RBFOX1: variants seen among roughly 807,000 people sequenced by gnomAD.
RBFOX1 encodes RNA binding protein fox-1 homolog 1.
RBFOX1 carries 8 observed loss-of-function variants against 57.7 expected under a neutral mutation model. That is an observed-to-expected ratio of 0.14 (90% CI 0.08 to 0.25). RBFOX1 has a LOEUF of 0.25. RBFOX1 is among the 10% of genes least tolerant of loss of function. RBFOX1 has a pLI of 1.00. For synonymous variants in RBFOX1, 326 were observed against 222.4 expected (o/e 1.47, Z -4.15); for missense variants, 611 against 548.5 (o/e 1.11, Z -1.14).
At chr16:5,386,958 G>C (rs1596784945) in intron 1 of RBFOX1, among the ~76,000 whole-genome samples, 1 of 152,224 alleles carries the variant, frequency 6.6e-6, no homozygotes, top group Admixed American at 6.5e-5. Flanking sequence ...GGCTGAGGCA[G>C]TAGAATCTCT....
chr16:7,142,060 G>A (rs2073935848), intron 4 of RBFOX1, among the ~76,000 whole-genome samples: 1 of 151,724 alleles, frequency 6.6e-6, no homozygotes, highest in African/African-American at 2.4e-5. Context: ...GTCTCACTCT[G>A]TTGCCCAGGC....
chr16:5,848,907 C>A (rs1416784649), intron 3 of RBFOX1, among the ~76,000 whole-genome samples: 1 of 151,982 alleles, frequency 6.6e-6, no homozygotes, highest in Admixed American at 6.6e-5. Flanking sequence ...CGAGATCATG[C>A]CACTGCACTT....
At chr16:7,515,570 C>T (rs1038164510) in intron 4 of RBFOX1, among the ~76,000 whole-genome samples, 1 of 152,036 alleles carries the variant, frequency 6.6e-6, no homozygotes, top group Non-Finnish European at 1.5e-5. Flanking sequence ...ACAATGTATA[C>T]ATATGTCAAA....
At chr16:5,266,429 T>C (rs2062859798) in intron 1 of RBFOX1, among the ~76,000 whole-genome samples, 1 of 151,822 alleles carries the variant, frequency 6.6e-6, no homozygotes, top group African/African-American at 2.4e-5. Context: ...TCAGGTGAAA[T>C]AGGTGGAGGT....
intron 2 of RBFOX1, among the ~76,000 whole-genome samples, chr16:5,515,039 C>T (rs573540103): frequency 8.6e-5 from 13 of 151,834 alleles, no homozygotes; most frequent in Non-Finnish European, 1.0e-4. Flanking sequence ...AGCAAGGTCC[C>T]AGACTCTTTA....
chr16:6,590,024 G>C (rs575078630), intron 2 of RBFOX1, among the ~76,000 whole-genome samples: 1 of 152,136 alleles, frequency 6.6e-6, no homozygotes, highest in Non-Finnish European at 1.5e-5. Context: ...CTTAGTCTTG[G>C]TTGGGGATCT....
chr16:6,600,221 G>T (rs2097834674), intron 2 of RBFOX1, among the ~76,000 whole-genome samples: 1 of 152,038 alleles, frequency 6.6e-6, no homozygotes, highest in Admixed American at 6.6e-5. Context: ...TAATGGTGGT[G>T]CTGATGAACA....
chr16:7,253,861 G>A (rs577624474), intron 4 of RBFOX1, among the ~76,000 whole-genome samples: 2 of 152,210 alleles, frequency 1.3e-5, no homozygotes, highest in South Asian at 4.2e-4. Context: ...CTTGAGAAAT[G>A]CATATTGGAG....
intron 3 of RBFOX1, among the ~76,000 whole-genome samples, chr16:6,979,472 C>T (rs2088059724): frequency 6.6e-6 from 1 of 152,104 alleles, no homozygotes; most frequent in African/African-American, 2.4e-5. Flanking sequence ...TCTGTTCTTC[C>T]CCCAGTACCT....
chr16:6,561,415 A>T (rs577447181), intron 2 of RBFOX1, among the ~76,000 whole-genome samples: 4 of 152,334 alleles, frequency 2.6e-5, no homozygotes, highest in South Asian at 4.1e-4. Context: ...TCAAAATTAG[A>T]ACGTGTACCA....
intron 4 of RBFOX1, among the ~76,000 whole-genome samples, chr16:7,454,339 G>T (rs923040540): frequency 6.6e-6 from 1 of 152,168 alleles, no homozygotes; most frequent in Non-Finnish European, 1.5e-5. Context: ...AGTAGATGGG[G>T]GTGGGCCCTC....
At chr16:6,857,328 A>T (rs1272579458) in intron 3 of RBFOX1, among the ~76,000 whole-genome samples, 2 of 152,206 alleles carry the variant, frequency 1.3e-5, no homozygotes, top group Non-Finnish European at 2.9e-5. Flanking sequence ...AGAACTATTT[A>T]AAAAGATGTA....
intron 2 of RBFOX1, among the ~76,000 whole-genome samples, chr16:6,497,715 C>A (rs948966266): frequency 6.6e-6 from 1 of 151,940 alleles, no homozygotes; most frequent in Non-Finnish European, 1.5e-5. Context: ...TACCACCATG[C>A]CTGGCTAATT....
chr16:6,229,395 G>A (rs1191866800), intron 1 of RBFOX1, among the ~76,000 whole-genome samples: 1 of 152,022 alleles, frequency 6.6e-6, no homozygotes, highest in African/African-American at 2.4e-5. Context: ...TGTGGATCTC[G>A]TTTTCCCCCT....
At chr16:5,778,273 G>C (rs745962036) in intron 3 of RBFOX1, among the ~76,000 whole-genome samples, 1 of 152,124 alleles carries the variant, frequency 6.6e-6, no homozygotes, top group African/African-American at 2.4e-5. Context: ...GCACCTTTGA[G>C]CTTCACAGGG....
At chr16:7,120,646 C>G (rs1437764804) in intron 4 of RBFOX1, among the ~76,000 whole-genome samples, 1 of 149,302 alleles carries the variant, frequency 6.7e-6, no homozygotes, top group East Asian at 1.9e-4. Context: ...TAAAAATTTT[C>G]AGACACAAAT....
intron 4 of RBFOX1, among the ~76,000 whole-genome samples, chr16:7,288,850 G>A (rs2095702862): frequency 1.3e-5 from 2 of 152,138 alleles, no homozygotes; most frequent in African/African-American, 4.8e-5. Context: ...CAAAAACTTT[G>A]TTGTTACTTT....
chr16:6,496,852 C>A (rs964845881), intron 2 of RBFOX1, among the ~76,000 whole-genome samples: 14 of 152,096 alleles, frequency 9.2e-5, no homozygotes, highest in African/African-American at 2.9e-4. Flanking sequence ...CCCAGCTACT[C>A]GGGAGGCTGA....
intron 4 of RBFOX1, among the ~76,000 whole-genome samples, chr16:7,357,766 C>T (rs1260333140): frequency 1.3e-5 from 2 of 152,166 alleles, no homozygotes; most frequent in African/African-American, 4.8e-5. Flanking sequence ...GGTGCTTTAA[C>T]TCTTTATTTT....
Sources: allele counts gnomAD v4.1 joint callset (sites outside exome capture counted in the v4.1 genomes callset), GRCh38; gene constraint gnomAD v4.1.1; transcripts MANE v1.5; gene names NCBI Gene and HGNC (gene_info 2026-07-23, HGNC 2026-07-21).